Variants in PSG6 observed in about 807,000 individuals in gnomAD.
PSG6 encodes pregnancy specific beta-1-glycoprotein 6.
In PSG6, 51 loss-of-function variants were observed where a neutral mutation model predicts 43.3. The ratio of observed to expected loss-of-function variants is 1.18; its 90% CI spans 0.94 to 1.49. PSG6 has a LOEUF of 1.49. Among genes scored for constraint, PSG6 ranks in the 40% most tolerant of loss-of-function variants. The pLI is 0.00. For missense variants in PSG6, 770 were observed against 522.2 expected (o/e 1.47, Z -4.62); for synonymous variants, 292 against 197.6 (o/e 1.48, Z -4.01).
rs1065509 is a variant in PSG6 at position 42,910,732 on chromosome 19, T to G, written c.554A>C (p.Asn185Thr). 1.7e-5 allele frequency: 27 copies of G among 1,611,870 alleles called. No homozygotes were observed. Among genetic ancestry groups the G allele is most frequent in the Non-Finnish European group, 2.3e-5 (27 of 1,179,148 alleles). Reference sequence around the variant, plus strand: ...CTGCAACCTGTGAGTCATAGGGAGGTTCTGACCATTCAGCAACCACAGGTA... The same window carrying G: ...CTGCAACCTGTGAGTCATAGGGAGGGTCTGACCATTCAGCAACCACAGGTA... ...ASYLWLLNGQ[N>T]LPMTHRLQLS... is the part of the protein sequence containing the mutation. The change falls in exon 3 of 6, where the codon AAC becomes ACC. Residue 185 changes from asparagine to threonine, a missense_variant. Asn to Thr is a moderately conservative substitution (Grantham distance 65). Transcript: ENST00000187910.
chr19:42,906,756 A>G, intron 5 of PSG6, 166 bp downstream of exon 5: 1 of 1,566,704 alleles, frequency 6.4e-7, no homozygotes. Context: ...AAACAAGCAG[A>G]AGAGAGTCTG....
intron 3 of PSG6, chr19:42,910,294 C>T: frequency 1.3e-6 from 1 of 765,420 alleles, no homozygotes; most frequent in Non-Finnish European, 2.0e-6. Context: ...AAGTCCCAGC[C>T]AAATCCCCGC....
chr19:42,904,764 A>T (rs556070523), intron 5 of PSG6, among the ~76,000 whole-genome samples: 3 of 151,716 alleles, frequency 2.0e-5, no homozygotes, highest in African/African-American at 7.2e-5. Flanking sequence ...TCTCAGTGAC[A>T]TTTTTGCAGA....
chr19:42,910,450 T>C, intron 3 of PSG6, 130 bp downstream of exon 3: 1 of 1,607,294 alleles, frequency 6.2e-7, no homozygotes, highest in Non-Finnish European at 8.5e-7. Flanking sequence ...GAGCAGAAAG[T>C]CATGGCCAGC....
intron 2 of PSG6, among the ~76,000 whole-genome samples, chr19:42,914,363 T>C (rs373833811): frequency 4.0e-5 from 6 of 150,056 alleles, no homozygotes; most frequent in African/African-American, 2.5e-5. Flanking sequence ...AGGCCTAGGG[T>C]TGGAGGAAGA....
In PSG6 at chr19:42,910,649, G is replaced by T. The variant is rs370661860; in HGVS notation, c.637C>A (p.Pro213Thr). ...LFGVTKYIAGPYECEIRNPVS... is the reference protein window; with the variant it reads ...LFGVTKYIAGTYECEIRNPVS... ...GGGTTCCGTATTTCACATTCATAGG[G>T]TCCTGCAATATACTTTGTGACACCA... is the stretch of plus-strand genomic sequence containing the variant. The change falls in exon 3 of 6, where the codon CCC becomes ACC. Residue 213 changes from proline (P) to threonine (T), a missense_variant. Transcript: ENST00000187910. The T allele has an allele frequency of 1.2e-4, 193 of 1,612,264 alleles. 5 individuals carry two copies. The highest frequency in any genetic ancestry group is 1.6e-4 in the Non-Finnish European group (189 of 1,179,270).
intron 2 of PSG6, among the ~76,000 whole-genome samples, chr19:42,913,703 G>T (rs1424171999): frequency 6.6e-6 from 1 of 151,672 alleles, no homozygotes; most frequent in South Asian, 2.1e-4. Context: ...ACGTGAGATT[G>T]GTCTTTTGAA....
Position 42,910,943 on chromosome 19 carries a change from A to C in PSG6, c.428-85T>G, listed in dbSNP as rs537308068. ...TTTTTCAATCAGAGTTGGCATTTCC[A>C]ACCTCTCAGCCCACCCAAGTCCTTA... On this transcript the variant is annotated intron_variant, in intron 2 of 5. Coordinates refer to ENST00000187910, the MANE Select transcript of PSG6 (RefSeq NM_001031850.4). The C allele has an allele frequency of 1.3e-4, 205 of 1,529,428 alleles. 9 individuals are homozygous for C. The highest frequency in any genetic ancestry group is 2.0e-4 in the South Asian group (15 of 75,850). 94.7% of individuals were successfully genotyped at this position (1,529,428 alleles called of 1,614,324 possible).
At chr19:42,914,803 A>G (rs1429988052) in intron 2 of PSG6, among the ~76,000 whole-genome samples, 2 of 151,666 alleles carry the variant, frequency 1.3e-5, no homozygotes, top group Non-Finnish European at 1.5e-5. Flanking sequence ...GTGCTGAGGC[A>G]GGGTGTGAGT....
rs372683889 is a variant in PSG6, at chr19:42,907,308, T to C, written c.986-132A>G. 3,529 of 1,483,854 alleles carry C rather than the reference T, an allele frequency of 2.4e-3. 100 individuals are homozygous for C. The African/African-American group carries it at 0.025, about 11-fold the overall frequency. 91.9% of individuals were successfully genotyped at this position (1,483,854 alleles called of 1,614,324 possible). A position where few individuals can be genotyped will look rare whatever the true frequency, so the allele number is the denominator to read the frequency against. On this transcript the variant is annotated intron_variant, in intron 4 of 5. Coordinates refer to ENST00000187910, the MANE Select transcript of PSG6 (RefSeq NM_001031850.4). ...GTGACAGCCAAATCCCATCTATGTT[T>C]ACTAAGCCCAAGCCTGAGGTATTCC...
chr19:42,914,046 A>AT (rs1316052883), intron 2 of PSG6, among the ~76,000 whole-genome samples: 11 of 151,508 alleles, frequency 7.3e-5, no homozygotes, highest in Admixed American at 2.0e-4. Flanking sequence ...TTTATTTTAT[A>AT]TTTTTTTGTG....
intron 5 of PSG6, among the ~76,000 whole-genome samples, chr19:42,905,776 A>G (rs1010782338): frequency 2.0e-5 from 3 of 151,668 alleles, no homozygotes; most frequent in African/African-American, 7.3e-5. Flanking sequence ...TGCAAAATGG[A>G]TGAACCTTGA....
chr19:42,911,095 A>G (rs920093438), intron 2 of PSG6, among the ~76,000 whole-genome samples: 3 of 151,576 alleles, frequency 2.0e-5, no homozygotes, highest in African/African-American at 7.3e-5. Context: ...GAGCAGCAGC[A>G]TTGGGTCATG....
At chr19:42,912,015 C>T (rs985130049) in intron 2 of PSG6, among the ~76,000 whole-genome samples, 2 of 151,542 alleles carry the variant, frequency 1.3e-5, no homozygotes, top group East Asian at 1.9e-4. Context: ...ATACAGTGCT[C>T]CTTATGCAGA....
intron 2 of PSG6, among the ~76,000 whole-genome samples, chr19:42,912,783 C>T (rs762093536): frequency 1.3e-5 from 2 of 151,458 alleles, no homozygotes; most frequent in Non-Finnish European, 2.9e-5. Flanking sequence ...CTTGTGTCTC[C>T]CCACACGAAG....
rs760276662 is a variant in PSG6 at position 42,910,552 on chromosome 19, G to A, written c.706+28C>T. 2.5e-6 allele frequency: 4 copies of A among 1,612,576 alleles called. No individual in the cohort carries two copies. In the East Asian group the frequency reaches 8.9e-5, roughly 36 times the overall value. On this transcript the variant is annotated intron_variant, in intron 3 of 5. Transcript: ENST00000187910. ...CCACTTGTATTTGGGATGGCAGCCT[G>A]GCTCACAGAGGAACAGAAGATACTC...
chr19:42,916,339 T>C lies in PSG6; in HGVS notation c.213A>G (p.Gln71=). The change falls in exon 2 of 6, where the codon CAA becomes CAG. Residue 71 remains glutamine, a synonymous_variant. Coordinates refer to ENST00000187910, the MANE Select transcript of PSG6 (RefSeq NM_001031850.4). ...TAATGTAATGGTAGAGGTCCGTCATTTGCCCTTTGTACCAGATGTAGCCAG... is the reference window on the plus strand; with the variant it reads ...TAATGTAATGGTAGAGGTCCGTCATCTGCCCTTTGTACCAGATGTAGCCAG... The part of the protein sequence containing the change: ...NLTGYIWYKG[Q]MTDLYHYITS... 1 of 1,612,160 alleles carries C rather than the reference T, an allele frequency of 6.2e-7. No homozygotes were observed. Among genetic ancestry groups the C allele is most frequent in the Non-Finnish European group, 8.5e-7 (1 of 1,179,132 alleles).
intron 5 of PSG6, among the ~76,000 whole-genome samples, chr19:42,906,395 A>G (rs1972112530): frequency 6.6e-6 from 1 of 151,298 alleles, no homozygotes; most frequent in Non-Finnish European, 1.5e-5. Flanking sequence ...GTTCCACCCC[A>G]GGTGGAGTCA....
In PSG6 at chr19:42,916,591, G is replaced by T. The variant is rs1348342151; in HGVS notation, c.65-104C>A. ...GGTCTCTTCAATCATCAGCCTTGAA[G>T]ATATGCACACACACACATACAAACA... is the stretch of plus-strand genomic sequence containing the variant. On this transcript the variant is annotated intron_variant, in intron 1 of 5. Transcript: ENST00000187910. 8 of 1,440,896 alleles carry T rather than the reference G, an allele frequency of 5.6e-6. No individual in the cohort carries two copies. In the South Asian group the frequency reaches 1.1e-4, roughly 20 times the overall value. The allele number at this position is 1,440,896 out of a possible 1,614,324, so 89.3% of individuals were successfully genotyped here. A position where few individuals can be genotyped will look rare whatever the true frequency, so the allele number is the denominator to read the frequency against.
Sources: gnomAD v4.1 joint callset for allele counts (sites outside exome capture counted in the v4.1 genomes callset) on GRCh38, gnomAD v4.1.1 for gene constraint, MANE v1.5 for transcripts, NCBI Gene and HGNC (gene_info 2026-07-23, HGNC 2026-07-21) for gene names.